GPATCH8: variants seen among roughly 807,000 people sequenced by gnomAD.
GPATCH8 encodes the protein G-patch domain containing 8.
GPATCH8 carries 18 observed loss-of-function variants against 118.3 expected under a neutral mutation model. That is an observed-to-expected ratio of 0.15 (90% CI 0.11 to 0.23). GPATCH8 has a LOEUF of 0.23. Ranked by LOEUF, GPATCH8 falls within the 10% of genes least tolerant of loss-of-function variation. The pLI is 1.00. For missense variants in GPATCH8, 1,631 were observed against 1,873.8 expected, an observed-to-expected ratio of 0.87 and a Z score of 2.39; for synonymous variants, 659 against 684.7, an observed-to-expected ratio of 0.96 and a Z score of 0.59.
rs1479859866 is a variant in GPATCH8 at position 44,397,695 on chromosome 17, G to A, written c.4382C>T (p.Ala1461Val). 19 of 1,611,226 alleles carry A rather than the reference G, an allele frequency of 1.2e-5. No homozygotes were observed. Among genetic ancestry groups the A allele is most frequent in the East Asian group, 2.2e-5 (1 of 44,836 alleles). ...TGGAGCAAGTAGGGTGGGGTAGAGG[G>A]CAGCATGTGGGACAGGGTGAAAGGT... ...PFTFHPVPHA[A>V]LYPTLLAPRP... Residue 1461 changes from alanine to valine, a missense_variant, in exon 8 of 8, where the codon GCC becomes GTC. By Grantham distance (64) the Ala-to-Val change is moderately conservative. This residue lies in a region of GPATCH8 where 65 missense variants were observed against 105.3 expected (regional missense o/e 0.62). Transcript: ENST00000591680.
At chr17:44,503,138 T>C (rs1458210203) in intron 1 of GPATCH8, among the ~76,000 whole-genome samples, 188 bp downstream of exon 1, 1 of 152,126 alleles carries the variant, frequency 6.6e-6, no homozygotes, top group Non-Finnish European at 1.5e-5. Flanking sequence ...GGTAAGAGAA[T>C]GCGGGTGCGA....
Position 44,474,834 on chromosome 17 carries a change from C to T in GPATCH8, c.115G>A (p.Glu39Lys). 2 of 1,535,590 alleles carry T rather than the reference C, an allele frequency of 1.3e-6. No individual in the cohort carries two copies. Among genetic ancestry groups the T allele is most frequent in the East Asian group, 2.2e-5 (1 of 44,478 alleles). ...IEQASLDKPI[E>K]SDNIGHRLLQ... ...TTAAGCACTGATTATCTTACCGATT[C>T]TATAGGCTTGTCAAGTGACGCTTGT... Residue 39 changes from glutamate to lysine, a missense_variant, in exon 2 of 8, where the codon GAA (glutamate) becomes AAA (lysine). Glu to Lys is a moderately conservative substitution (Grantham distance 56). Coordinates refer to ENST00000591680, the MANE Select transcript of GPATCH8 (RefSeq NM_001002909.4).
Position 44,396,695 on chromosome 17 carries a change from ATAC to A in GPATCH8, c.*870_*872del, listed in dbSNP as rs533958974. ...TGGATGTAAAAAATATTATTGCAGT[ATAC>A]TACAAATATGGAACCTTTTTTATAT... On this transcript the variant is annotated 3_prime_UTR_variant, in exon 8 of 8. Transcript: ENST00000591680. 43 of 446,092 alleles carry A rather than the reference ATAC, an allele frequency of 9.6e-5. 1 individual carries two copies. The East Asian group carries it at 3.0e-3, about 31-fold the overall frequency. The allele number at this position is 446,092 out of a possible 1,614,324, so 27.6% of individuals were successfully genotyped here.
intron 3 of GPATCH8, among the ~76,000 whole-genome samples, chr17:44,441,817 T>C (rs1330078910): frequency 2.6e-5 from 4 of 151,112 alleles, no homozygotes; most frequent in Non-Finnish European, 5.9e-5. Flanking sequence ...TCACCTGAGG[T>C]CAGGAGTTCA....
chr17:44,403,710 C>G (rs1390486825), intron 7 of GPATCH8, among the ~76,000 whole-genome samples: 1 of 148,490 alleles, frequency 6.7e-6, no homozygotes, highest in Non-Finnish European at 1.5e-5. Context: ...TTTTTTCTCC[C>G]AAGCTGGAGT....
chr17:44,410,191 G>T (rs16970713), intron 6 of GPATCH8, among the ~76,000 whole-genome samples: 3,009 of 152,194 alleles, frequency 0.02, 107 homozygotes, highest in African/African-American at 0.068. Context: ...ATTCCAAAAG[G>T]CTACCAACGT....
At chr17:44,427,114 TG>T (rs2050118471) in intron 5 of GPATCH8, among the ~76,000 whole-genome samples, 1 of 151,908 alleles carries the variant, frequency 6.6e-6, no homozygotes, top group Non-Finnish European at 1.5e-5. Context: ...CTTGCTCTAT[TG>T]GCCAGACTGG....
chr17:44,446,545 G>A (rs997990719), intron 3 of GPATCH8, among the ~76,000 whole-genome samples: 2 of 152,052 alleles, frequency 1.3e-5, no homozygotes, highest in African/African-American at 4.8e-5. Context: ...CAGCCTGGGC[G>A]ACAGAGTGAG....
intron 5 of GPATCH8, among the ~76,000 whole-genome samples, chr17:44,426,330 C>T (rs1006024131): frequency 4.6e-5 from 7 of 152,112 alleles, no homozygotes; most frequent in South Asian, 2.1e-4. Context: ...AGGCCAGGTG[C>T]GGTGGCTCAC....
At chr17:44,468,195 AC>A (rs1966957881) in intron 2 of GPATCH8, among the ~76,000 whole-genome samples, 1 of 151,234 alleles carries the variant, frequency 6.6e-6, no homozygotes, top group African/African-American at 2.4e-5. Context: ...CTGGTCTCAA[AC>A]TCCTGACCTC....
At position 44,400,137 on chromosome 17, in the gene GPATCH8, G is replaced by C; in HGVS notation, c.1940C>G (p.Pro647Arg). 6.2e-7 allele frequency: 1 copy of C among 1,613,850 alleles called. No individual in the cohort carries two copies. Among genetic ancestry groups the C allele is most frequent in the Non-Finnish European group, 8.5e-7 (1 of 1,179,990 alleles). ...TGTCTCAGACCCATGGCTACCCCCA[G>C]GCTCCTGCTTGTTCAGGCCGCTACA... ...SACSGLNKQE[P>R]GGSHGSETED... The change falls in exon 8 of 8, where the codon CCT becomes CGT. Residue 647 changes from proline (P) to arginine (R), a missense_variant. Pro to Arg is a moderately radical substitution (Grantham distance 103). This residue lies in a region of GPATCH8 where 922 missense variants were observed against 879.7 expected (regional missense o/e 1.05). Coordinates refer to ENST00000591680, the MANE Select transcript of GPATCH8 (RefSeq NM_001002909.4).
At position 44,396,682 on chromosome 17, in the gene GPATCH8, A is replaced by T. The variant is rs1416320291; in HGVS notation, c.*886T>A. On this transcript the variant is annotated 3_prime_UTR_variant, in exon 8 of 8. Transcript: ENST00000591680. ...TCACTTAAAGAGCTGGATGTAAAAA[A>T]TATTATTGCAGTATACTACAAATAT... 1.3e-5 allele frequency: 6 copies of T among 444,592 alleles called. No homozygotes were observed. The allele number at this position is 444,592 out of a possible 1,614,324, so 27.5% of individuals were successfully genotyped here.
Position 44,409,311 on chromosome 17 carries a change from C to T in GPATCH8, c.493-3260G>A, listed in dbSNP as rs1318848992. 6 of 152,298 alleles carry T rather than the reference C, an allele frequency of 3.9e-5. 1 individual carries two copies. In the South Asian group the frequency reaches 1.2e-3, roughly 32 times the overall value. 9.4% of individuals were successfully genotyped at this position (152,298 alleles called of 1,614,324 possible). ...TGGGCTCAAGTGATACCCCCAGCCTCAGCCTCCCAAGAAGCCAGGACTACA... is the reference window on the plus strand; with the variant it reads ...TGGGCTCAAGTGATACCCCCAGCCTTAGCCTCCCAAGAAGCCAGGACTACA... On this transcript the variant is annotated intron_variant, in intron 6 of 7. Coordinates refer to ENST00000591680, the MANE Select transcript of GPATCH8 (RefSeq NM_001002909.4).
chr17:44,485,810 ACC>A (rs1409748115), intron 1 of GPATCH8, among the ~76,000 whole-genome samples: 4 of 152,204 alleles, frequency 2.6e-5, no homozygotes, highest in Non-Finnish European at 5.9e-5. Flanking sequence ...TATCTCCTCT[ACC>A]ATAAAGCATG....
At chr17:44,437,903 CAAAA>C (rs1170718088) in intron 3 of GPATCH8, among the ~76,000 whole-genome samples, 1 of 115,302 alleles carries the variant, frequency 8.7e-6, no homozygotes, top group Non-Finnish European at 1.8e-5. Flanking sequence ...AAAAACAAAA[CAAAA>C]AAACCAAACC....
intron 6 of GPATCH8, among the ~76,000 whole-genome samples, chr17:44,408,360 T>C (rs890607934): frequency 6.6e-6 from 1 of 152,144 alleles, no homozygotes; most frequent in Admixed American, 6.5e-5. Flanking sequence ...TGATTTTTTA[T>C]ATTTTTAGTA....
At chr17:44,418,321 T>G (rs867144587) in intron 6 of GPATCH8, among the ~76,000 whole-genome samples, 6 of 152,288 alleles carry the variant, frequency 3.9e-5, no homozygotes, top group Admixed American at 1.3e-4. Flanking sequence ...GTCATATCCA[T>G]CAGCAGACAA....
rs906973277 is a variant in GPATCH8 at position 44,397,786 on chromosome 17, C to T, written c.4291G>A (p.Ala1431Thr). 3.8e-6 allele frequency: 6 copies of T among 1,581,328 alleles called. No homozygotes were observed. The highest frequency in any genetic ancestry group is 2.4e-5 in the South Asian group (2 of 84,934). The change falls in exon 8 of 8, where the codon GCC becomes ACC. Residue 1431 changes from alanine (A) to threonine (T), a missense_variant. Coordinates refer to ENST00000591680, the MANE Select transcript of GPATCH8 (RefSeq NM_001002909.4). ...ATGGGATGGCTAGCGAGAAAGGTGG[C>T]AGGGTGGCCAGGGATGATTGAGTGA... Reference protein sequence around the residue: ...LTHSIIPGHPATFLASHPIHI... With the variant: ...LTHSIIPGHPTTFLASHPIHI...
intron 6 of GPATCH8, among the ~76,000 whole-genome samples, chr17:44,407,621 G>A (rs2049279384): frequency 6.6e-6 from 1 of 151,364 alleles, no homozygotes; most frequent in Non-Finnish European, 1.5e-5. Flanking sequence ...TTCAAGTAAT[G>A]AACAGCTGGC....
Sources: allele counts gnomAD v4.1 joint callset (sites outside exome capture counted in the v4.1 genomes callset), GRCh38; gene constraint gnomAD v4.1.1; regional missense constraint gnomAD v4.1.1; transcripts MANE v1.5; gene names NCBI Gene and HGNC (gene_info 2026-07-23, HGNC 2026-07-21).